The following ANKS1B variants were observed in gnomAD, a reference collection of about 807,000 sequenced individuals.
The protein encoded by ANKS1B is ankyrin repeat and sterile alpha motif domain containing 1B.
A neutral mutation model predicts 148.3 loss-of-function variants in ANKS1B; 36 were observed. The ratio of observed to expected loss-of-function variants is 0.24; its 90% CI spans 0.19 to 0.32. The LOEUF is 0.32. ANKS1B is among the 10% of genes least tolerant of loss of function. The pLI is 1.00. For synonymous variants in ANKS1B, 542 were observed against 560.8 expected, an observed-to-expected ratio of 0.97 and a Z score of 0.47; for missense variants, 1,157 against 1,542.6, an observed-to-expected ratio of 0.75 and a Z score of 4.19.
At chr12:99,120,773 T>C (rs920692398) in intron 15 of ANKS1B, among the ~76,000 whole-genome samples, 1 of 152,078 alleles carries the variant, frequency 6.6e-6, no homozygotes, top group Admixed American at 6.5e-5. Flanking sequence ...GGAAGAGCAG[T>C]GGATTTGAGG....
At chr12:99,449,160 C>T (rs2095685771) in intron 10 of ANKS1B, among the ~76,000 whole-genome samples, 1 of 152,032 alleles carries the variant, frequency 6.6e-6, no homozygotes, top group African/African-American at 2.4e-5. Context: ...TTCCTAAAAA[C>T]ATTTTCAAGC....
intron 10 of ANKS1B, among the ~76,000 whole-genome samples, chr12:99,497,305 A>G (rs1217310106): frequency 6.6e-6 from 1 of 152,170 alleles, no homozygotes; most frequent in Non-Finnish European, 1.5e-5. Flanking sequence ...AGACCCACCC[A>G]TCCATTTTTG....
At chr12:99,239,893 A>G (rs1360221015) in intron 14 of ANKS1B, among the ~76,000 whole-genome samples, 3 of 152,140 alleles carry the variant, frequency 2.0e-5, no homozygotes, top group South Asian at 2.1e-4. Flanking sequence ...CACCAGGCCT[A>G]CCTTACAAGA....
At chr12:98,887,292 A>G (rs1251738642) in intron 17 of ANKS1B, among the ~76,000 whole-genome samples, 1 of 151,978 alleles carries the variant, frequency 6.6e-6, no homozygotes, top group Non-Finnish European at 1.5e-5. Flanking sequence ...ACGCTAAGGA[A>G]GCTTAAGTTC....
chr12:99,762,180 C>A (rs1028834710), intron 8 of ANKS1B, among the ~76,000 whole-genome samples: 1 of 151,926 alleles, frequency 6.6e-6, no homozygotes, highest in African/African-American at 2.4e-5. Context: ...ATTTTTCACA[C>A]AATTAGAAAA....
intron 15 of ANKS1B, among the ~76,000 whole-genome samples, chr12:99,096,378 A>C (rs2056128991): frequency 6.6e-6 from 1 of 152,182 alleles, no homozygotes; most frequent in Non-Finnish European, 1.5e-5. Context: ...CAGGAAAAAA[A>C]AAAATTTTTC....
At chr12:99,818,082 C>T (rs1218370637) in intron 2 of ANKS1B, among the ~76,000 whole-genome samples, 2 of 151,648 alleles carry the variant, frequency 1.3e-5, no homozygotes, top group Non-Finnish European at 3.0e-5. Flanking sequence ...AACTATGAAA[C>T]TAGTAGGGGA....
In ANKS1B at chr12:98,959,433, C is replaced by T. The variant is rs140583812; in HGVS notation, c.2778+93724G>A. On this transcript the variant is annotated intron_variant, in intron 17 of 26. Transcript: ENST00000683438. ...TGTCTCTTCCTGCTAAGGCCCACAG[C>T]CCCTTAGCTAAGACTTACACATTTG... Among the ~76,000 whole-genome samples, 435 of 152,284 alleles carry T rather than the reference C, an allele frequency of 2.9e-3. 1 individual carries two copies. The highest frequency in any genetic ancestry group is 9.8e-3 in the African/African-American group (409 of 41,554).
intron 12 of ANKS1B, among the ~76,000 whole-genome samples, chr12:99,341,848 C>T (rs909973958): frequency 1.3e-5 from 2 of 152,050 alleles, no homozygotes; most frequent in Non-Finnish European, 2.9e-5. Context: ...AGGATTTCAA[C>T]CCAGGTATTC....
chr12:99,759,508 A>G (rs780712356), intron 8 of ANKS1B, among the ~76,000 whole-genome samples: 15 of 151,984 alleles, frequency 9.9e-5, no homozygotes, highest in Non-Finnish European at 2.1e-4. Flanking sequence ...ATCAGAATTA[A>G]TTTGCTCTTC....
intron 17 of ANKS1B, among the ~76,000 whole-genome samples, chr12:98,996,256 A>G (rs1366904616): frequency 6.6e-6 from 1 of 152,226 alleles, no homozygotes; most frequent in Non-Finnish European, 1.5e-5. Flanking sequence ...TACTGTCATC[A>G]TCGTGAAGGG....
intron 14 of ANKS1B, among the ~76,000 whole-genome samples, chr12:99,189,329 C>G (rs1377679824): frequency 6.6e-6 from 1 of 152,140 alleles, no homozygotes; most frequent in Non-Finnish European, 1.5e-5. Flanking sequence ...GGGACTCCAC[C>G]CTAACTCATT....
chr12:98,837,559 G>A (rs1314667543), intron 17 of ANKS1B, among the ~76,000 whole-genome samples: 3 of 152,118 alleles, frequency 2.0e-5, no homozygotes, highest in African/African-American at 7.2e-5. Flanking sequence ...AAACCCCACT[G>A]TGAATCTCAG....
intron 17 of ANKS1B, among the ~76,000 whole-genome samples, chr12:98,839,986 T>C (rs914904777): frequency 1.2e-4 from 19 of 152,152 alleles, no homozygotes; most frequent in Admixed American, 1.2e-3. Context: ...TCAGATATAG[T>C]GTCACTGCAT....
chr12:99,556,661 T>C (rs1349928585), intron 9 of ANKS1B, among the ~76,000 whole-genome samples: 3 of 152,326 alleles, frequency 2.0e-5, no homozygotes, highest in South Asian at 4.1e-4. Flanking sequence ...CTCCTTAGTA[T>C]CAAATAATTT....
chr12:99,053,099 A>C, intron 17 of ANKS1B, 58 bp downstream of exon 17: 2 of 1,434,664 alleles, frequency 1.4e-6, no homozygotes, highest in Admixed American at 2.8e-5. Flanking sequence ...AAAAAAGAAA[A>C]TTAAATTTCA....
intron 16 of ANKS1B, among the ~76,000 whole-genome samples, chr12:99,062,816 G>T (rs1197074399): frequency 2.0e-5 from 3 of 152,146 alleles, no homozygotes; most frequent in Non-Finnish European, 4.4e-5. Context: ...GGGTGCAGTG[G>T]AGATTGCAGG....
intron 1 of ANKS1B, among the ~76,000 whole-genome samples, chr12:99,960,676 G>A (rs768113009): frequency 5.9e-5 from 9 of 152,138 alleles, no homozygotes; most frequent in Admixed American, 1.3e-4. Context: ...AGGTGTTGGC[G>A]GCCCTTAGTC....
At chr12:99,478,417 G>A (rs548655245) in intron 10 of ANKS1B, among the ~76,000 whole-genome samples, 5 of 152,094 alleles carry the variant, frequency 3.3e-5, no homozygotes, top group African/African-American at 1.2e-4. Flanking sequence ...ATGAATCTTG[G>A]GCACATTTAG....
Sources: allele counts gnomAD v4.1 joint callset (sites outside exome capture counted in the v4.1 genomes callset), GRCh38; gene constraint gnomAD v4.1.1; transcripts MANE v1.5; gene names NCBI Gene and HGNC (gene_info 2026-07-23, HGNC 2026-07-21).